Variants in ERI1 observed in about 807,000 individuals in gnomAD.
ERI1 encodes exoribonuclease 1.
Under a neutral mutation model 39.7 loss-of-function variants are expected in ERI1, and 39 were observed. The observed-to-expected ratio is 0.98, with a 90% CI of 0.76 to 1.28. The LOEUF (loss-of-function observed/expected upper bound fraction) is 1.28. Ranked by LOEUF, ERI1 falls within the 50% of genes most tolerant of loss-of-function variation. The probability of loss-of-function intolerance (pLI) is 0.00; values close to 1 mark genes in which losing one functional copy is unlikely to be tolerated. For missense variants in ERI1, 581 were observed against 416.9 expected (o/e 1.39, Z -3.43); for synonymous variants, 204 against 149.6 (o/e 1.36, Z -2.65).
At chr8:9,016,676 C>G (rs894205669) in intron 4 of ERI1, among the ~76,000 whole-genome samples, 2 of 151,912 alleles carry the variant, frequency 1.3e-5, no homozygotes, top group Non-Finnish European at 2.9e-5. Flanking sequence ...CCATACTGAA[C>G]TTGGAGATGT....
At chr8:9,023,395 TTTA>T (rs541714448) in intron 6 of ERI1, among the ~76,000 whole-genome samples, 25 of 152,270 alleles carry the variant, frequency 1.6e-4, no homozygotes, top group African/African-American at 6.0e-4. Flanking sequence ...TGGAATAATT[TTTA>T]TTATTAAAAA....
At chr8:9,099,783 G>C (rs908861426) in intron 3 of ERI1, 2 of 151,842 alleles carry the variant, frequency 1.3e-5, no homozygotes, top group Non-Finnish European at 2.9e-5. Context: ...CTACTTTTTG[G>C]TTATTACGAA....
intron 3 of ERI1, among the ~76,000 whole-genome samples, chr8:9,066,767 G>A (rs1291255770): frequency 2.6e-5 from 4 of 152,090 alleles, no homozygotes; most frequent in East Asian, 3.8e-4. Flanking sequence ...ACTAAAATGT[G>A]ACAGGCGGGT....
At chr8:9,007,108 C>T (rs933382193) in intron 1 of ERI1, among the ~76,000 whole-genome samples, 6 of 152,122 alleles carry the variant, frequency 3.9e-5, no homozygotes, top group Admixed American at 3.9e-4. Flanking sequence ...TGGAACTTAA[C>T]ATATTAGTAA....
chr8:9,030,655 T>C lies in ERI1; in HGVS notation c.*621T>C, dbSNP rs1287627500. 6.6e-6 allele frequency: 1 copy of C among 152,412 alleles called. No individual in the cohort carries two copies. The highest frequency in any genetic ancestry group is 1.5e-5 in the Non-Finnish European group (1 of 68,190). 9.4% of individuals were successfully genotyped at this position (152,412 alleles called of 1,614,324 possible). ...AAAATCCAGTTACTGAAGGAATTAA[T>C]GAAAACGTAGAAGAAAGTACTAAAA... On this transcript the variant is annotated 3_prime_UTR_variant, in exon 7 of 7. Coordinates refer to ENST00000250263, the MANE Select transcript of ERI1 (RefSeq NM_153332.4).
At chr8:9,057,179 C>G (rs1186840758) in intron 3 of ERI1, among the ~76,000 whole-genome samples, 1 of 152,130 alleles carries the variant, frequency 6.6e-6, no homozygotes, top group Admixed American at 6.5e-5. Flanking sequence ...GGGACTCGCT[C>G]TGTCGCCCAG....
chr8:9,077,701 T>TAAA (rs1338812252), intron 3 of ERI1, among the ~76,000 whole-genome samples: 2 of 152,174 alleles, frequency 1.3e-5, no homozygotes, highest in Non-Finnish European at 2.9e-5. Flanking sequence ...GGTCAGACCT[T>TAAA]TAGTCTATTT....
intron 1 of ERI1, among the ~76,000 whole-genome samples, chr8:9,005,177 GT>G (rs1019974743): frequency 1.9e-4 from 29 of 151,894 alleles, no homozygotes; most frequent in African/African-American, 6.0e-4. Context: ...AAAATTCTAA[GT>G]TTTTTTTCAG....
At position 9,031,775 on chromosome 8, in the gene ERI1, T is replaced by A. The variant is rs577404765; in HGVS notation, c.*1741T>A. 1.3e-5 allele frequency: 2 copies of A among 152,334 alleles called. No individual in the cohort carries two copies. The highest frequency in any genetic ancestry group is 6.5e-5 in the Admixed American group (1 of 15,306). 9.4% of individuals were successfully genotyped at this position (152,334 alleles called of 1,614,324 possible). ...ACCCTATTTTGTTGTTGTTGTTGTTTGAGACAGAGTTTTTGCTCGTCTGCC... is the reference window on the plus strand; with the variant it reads ...ACCCTATTTTGTTGTTGTTGTTGTTAGAGACAGAGTTTTTGCTCGTCTGCC... On this transcript the variant is annotated 3_prime_UTR_variant, in exon 7 of 7. Transcript: ENST00000250263.
At chr8:9,035,486 C>G (rs987762233), downstream of ERI1, among the ~76,000 whole-genome samples, 1 of 152,126 alleles carries the variant, frequency 6.6e-6, no homozygotes, top group Non-Finnish European at 1.5e-5. Context: ...ACGGCAAAGC[C>G]TGAATGACAG....
chr8:9,069,897 A>G (rs947199993), intron 3 of ERI1, among the ~76,000 whole-genome samples: 1 of 152,218 alleles, frequency 6.6e-6, no homozygotes, highest in Non-Finnish European at 1.5e-5. Flanking sequence ...GGTTTTAGAA[A>G]GTCGCTCCAG....
intron 3 of ERI1, among the ~76,000 whole-genome samples, chr8:9,073,390 G>A (rs1331163451): frequency 6.6e-6 from 1 of 152,196 alleles, no homozygotes; most frequent in East Asian, 1.9e-4. Context: ...TCCAAGAAGG[G>A]TAAGCGTGAG....
chr8:9,023,273 A>G (rs931499948), intron 6 of ERI1, among the ~76,000 whole-genome samples: 1 of 152,042 alleles, frequency 6.6e-6, no homozygotes, highest in African/African-American at 2.4e-5. Flanking sequence ...TTGTAATCAT[A>G]TCCTGGAATG....
intron 6 of ERI1, among the ~76,000 whole-genome samples, chr8:9,020,931 T>C (rs1359666192): frequency 1.3e-5 from 2 of 152,236 alleles, no homozygotes; most frequent in Admixed American, 1.3e-4. Context: ...TTGTTTTTGT[T>C]TTTTTTCAAA....
chr8:9,023,630 G>C (rs1172033939), intron 6 of ERI1, among the ~76,000 whole-genome samples: 2 of 151,764 alleles, frequency 1.3e-5, no homozygotes, highest in African/African-American at 4.8e-5. Context: ...TAACTATAAT[G>C]CAATTAGTTG....
At chr8:9,092,910 C>T (rs1799752857) in intron 3 of ERI1, among the ~76,000 whole-genome samples, 1 of 152,210 alleles carries the variant, frequency 6.6e-6, no homozygotes, top group Non-Finnish European at 1.5e-5. Flanking sequence ...GAGGGAGAAT[C>T]TGTTCAGGCC....
At chr8:9,061,714 G>A (rs143687330) in intron 3 of ERI1, among the ~76,000 whole-genome samples, 5,574 of 152,088 alleles carry the variant, frequency 0.037, 328 homozygotes, top group African/African-American at 0.12. Flanking sequence ...AGCAGGGAGA[G>A]CATGTGTGTT....
At chr8:9,082,387 G>A (rs796649870) in intron 3 of ERI1, among the ~76,000 whole-genome samples, 1 of 152,148 alleles carries the variant, frequency 6.6e-6, no homozygotes, top group South Asian at 2.1e-4. Flanking sequence ...AAGACAGAAG[G>A]GCTTCTCTGC....
At chr8:9,068,944 A>G (rs567678552) in intron 3 of ERI1, among the ~76,000 whole-genome samples, 1 of 152,118 alleles carries the variant, frequency 6.6e-6, no homozygotes, top group East Asian at 1.9e-4. Flanking sequence ...AGCCCTCCCT[A>G]GTAGCTGGGA....
Sources: allele counts gnomAD v4.1 joint callset (sites outside exome capture counted in the v4.1 genomes callset), GRCh38; gene constraint gnomAD v4.1.1; transcripts MANE v1.5; gene names NCBI Gene and HGNC (gene_info 2026-07-23, HGNC 2026-07-21).